The following NAV2 variants were observed in gnomAD, a reference collection of about 807,000 sequenced individuals.
NAV2 encodes the protein helicase, APC down-regulated 1.
In NAV2, 54 loss-of-function variants were observed where a neutral mutation model predicts 223.2. The observed-to-expected ratio is 0.24, with a 90% CI of 0.19 to 0.30. The LOEUF is 0.30. Among genes scored for constraint, NAV2 ranks in the 10% least tolerant of loss-of-function variants. The probability of loss-of-function intolerance (pLI) is 1.00; values close to 1 mark genes in which losing one functional copy is unlikely to be tolerated. For synonymous variants in NAV2, 1,279 were observed against 1,239.3 expected (o/e 1.03, Z -0.67); for missense variants, 2,806 against 3,147.5 (o/e 0.89, Z 2.60).
intron 1 of NAV2, among the ~76,000 whole-genome samples, chr11:19,725,142 A>G (rs2051133082): frequency 6.6e-6 from 1 of 152,244 alleles, no homozygotes; most frequent in South Asian, 2.1e-4. Context: ...TAATTGCCAT[A>G]AAAGCAGTAA....
chr11:19,547,763 G>A (rs1334764176), intron 1 of NAV2, among the ~76,000 whole-genome samples: 1 of 152,160 alleles, frequency 6.6e-6, no homozygotes, highest in Non-Finnish European at 1.5e-5. Context: ...TAATGACAAT[G>A]ATAGTGGTAG....
At chr11:20,102,415 C>T (rs1324147025) in intron 32 of NAV2, among the ~76,000 whole-genome samples, 1 of 152,048 alleles carries the variant, frequency 6.6e-6, no homozygotes, top group Non-Finnish European at 1.5e-5. Context: ...CAGGTCTGAC[C>T]CATGCCCGCT....
intron 5 of NAV2, among the ~76,000 whole-genome samples, chr11:19,888,884 C>T (rs2041252218): frequency 6.6e-6 from 1 of 152,192 alleles, no homozygotes; most frequent in Admixed American, 6.5e-5. Context: ...TCTCACCAAC[C>T]TCCGAGATCT....
At chr11:19,582,244 C>A (rs2135034210) in intron 1 of NAV2, among the ~76,000 whole-genome samples, 1 of 152,198 alleles carries the variant, frequency 6.6e-6, no homozygotes, top group African/African-American at 2.4e-5. Context: ...TGTTGGAGTT[C>A]ATTGTAGATT....
chr11:20,056,457 G>T, intron 19 of NAV2: 1 of 998,314 alleles, frequency 1.0e-6, no homozygotes, highest in East Asian at 2.4e-5. Flanking sequence ...TTTCAGTTAT[G>T]CCCTTTTCTT....
At chr11:19,560,149 A>G (rs2045045759) in intron 1 of NAV2, among the ~76,000 whole-genome samples, 1 of 152,120 alleles carries the variant, frequency 6.6e-6, no homozygotes, top group African/African-American at 2.4e-5. Flanking sequence ...TCGGTGGTAA[A>G]AGAGACTATT....
At chr11:19,392,468 T>TA (rs1849287548) in intron 1 of NAV2, among the ~76,000 whole-genome samples, 1 of 151,972 alleles carries the variant, frequency 6.6e-6, no homozygotes, top group Non-Finnish European at 1.5e-5. Flanking sequence ...CTCACTAACA[T>TA]ACTTGGTGGT....
intron 1 of NAV2, among the ~76,000 whole-genome samples, chr11:19,513,946 A>G (rs1440087603): frequency 6.6e-6 from 1 of 152,210 alleles, no homozygotes; most frequent in Non-Finnish European, 1.5e-5. Flanking sequence ...CCTGAGCTCC[A>G]GAGGGAGCAT....
chr11:20,038,125 A>G lies in NAV2; in HGVS notation c.2907+2028A>G, dbSNP rs114245412. 7.0e-3 allele frequency among the ~76,000 whole-genome samples: 1,062 copies of G among 152,266 alleles called. 14 individuals are homozygous for G. The highest frequency in any genetic ancestry group is 0.024 in the African/African-American group (989 of 41,540). The stretch of plus-strand genomic sequence containing the variant: ...CCCTTCTTGCAAAGCTGGAATTGAA[A>G]TCTCTGGTTCCACATTGATAAACAA... On this transcript the variant is annotated intron_variant, in intron 12 of 37. Transcript: ENST00000349880.
intron 22 of NAV2, among the ~76,000 whole-genome samples, chr11:20,069,132 G>T (rs1444108971): frequency 2.0e-5 from 3 of 152,092 alleles, no homozygotes; most frequent in African/African-American, 7.2e-5. Flanking sequence ...TTTTTTAAAA[G>T]GGGGACAGGA....
intron 17 of NAV2, among the ~76,000 whole-genome samples, chr11:20,052,718 A>G (rs2058090017): frequency 6.6e-6 from 1 of 152,210 alleles, no homozygotes; most frequent in South Asian, 2.1e-4. Context: ...CAGATATAGT[A>G]AAAACATTAA....
At chr11:19,887,220 T>C (rs1036614076) in intron 5 of NAV2, among the ~76,000 whole-genome samples, 1 of 152,114 alleles carries the variant, frequency 6.6e-6, no homozygotes, top group Non-Finnish European at 1.5e-5. Flanking sequence ...TTGAGAAGAA[T>C]GGGAAGCCTC....
intron 2 of NAV2, 51 bp downstream of exon 2, chr11:19,832,652 A>C: frequency 1.2e-5 from 17 of 1,446,476 alleles, no homozygotes; most frequent in Non-Finnish European, 1.7e-5. Context: ...GAGCCATCTC[A>C]AAAGGCCGGG....
At chr11:19,924,093 A>C (rs570036689) in intron 6 of NAV2, among the ~76,000 whole-genome samples, 1 of 152,260 alleles carries the variant, frequency 6.6e-6, no homozygotes, top group Non-Finnish European at 1.5e-5. Flanking sequence ...AGAGAGAGGG[A>C]GAGATTTTAA....
chr11:19,432,965 C>G (rs1244893073), intron 1 of NAV2, among the ~76,000 whole-genome samples: 3 of 152,156 alleles, frequency 2.0e-5, no homozygotes, highest in Non-Finnish European at 2.9e-5. Flanking sequence ...TGATGTTAAC[C>G]CCATTCCTTT....
chr11:19,662,870 G>A (rs753658193), intron 1 of NAV2, among the ~76,000 whole-genome samples: 2 of 152,194 alleles, frequency 1.3e-5, no homozygotes, highest in Non-Finnish European at 2.9e-5. Context: ...TCTTGGACAT[G>A]GGACCCAGAT....
chr11:19,721,176 G>T (rs2050720235), intron 1 of NAV2, among the ~76,000 whole-genome samples: 1 of 152,184 alleles, frequency 6.6e-6, no homozygotes, highest in Admixed American at 6.5e-5. Flanking sequence ...CTGAAAAAAT[G>T]CTGTTACTAC....
chr11:20,044,246 C>T lies in NAV2; in HGVS notation c.3173C>T (p.Ala1058Val). Residue 1058 changes from alanine (A) to valine (V), a missense_variant, in exon 13 of 38, where the codon GCA (alanine) becomes GTA (valine). This residue lies in a region of NAV2 where 742 missense variants were observed against 777.9 expected (regional missense o/e 0.95). Transcript: ENST00000349880. ...TMPRTKPSAP[A>V]GALKTPGTGK... is the part of the protein sequence containing the mutation. ...CCAAGGACGAAGCCTTCAGCCCCGG[C>T]AGGCGCACTGAAGACCCCAGGAACT... 1 of 1,612,226 alleles carries T rather than the reference C, an allele frequency of 6.2e-7. No homozygotes were observed. The highest frequency in any genetic ancestry group is 1.1e-5 in the South Asian group (1 of 91,074).
At chr11:19,990,930 A>G (rs1003374399) in intron 11 of NAV2, among the ~76,000 whole-genome samples, 14 of 129,766 alleles carry the variant, frequency 1.1e-4, no homozygotes, top group Admixed American at 2.3e-4. Context: ...TATAAAGAAA[A>G]GATGTGAGTT....
Sources: allele counts gnomAD v4.1 joint callset (sites outside exome capture counted in the v4.1 genomes callset), GRCh38; gene constraint gnomAD v4.1.1; regional missense constraint gnomAD v4.1.1; transcripts MANE v1.5; gene names NCBI Gene and HGNC (gene_info 2026-07-23, HGNC 2026-07-21).